Variants in EPHA10 observed in about 807,000 individuals in gnomAD.
The protein encoded by EPHA10 is EPH receptor A10, also known as ephrin type-A receptor 10.
Under a neutral mutation model 109.7 loss-of-function variants are expected in EPHA10, and 120 were observed. The observed-to-expected ratio is 1.09, with a 90% CI of 0.94 to 1.27. EPHA10 has a LOEUF of 1.27. Ranked by LOEUF, EPHA10 falls within the 50% of genes most tolerant of loss-of-function variation. EPHA10 has a pLI of 0.00. For missense variants in EPHA10, 1,396 were observed against 1,411.1 expected (o/e 0.99, Z 0.17); for synonymous variants, 640 against 618.9 (o/e 1.03, Z -0.51).
chr1:37,761,251 C>T, intron 3 of EPHA10, 154 bp downstream of exon 3: 1 of 1,504,542 alleles, frequency 6.6e-7, no homozygotes, highest in Non-Finnish European at 8.8e-7. Flanking sequence ...CTGGAAACTC[C>T]ACAAGACTTC....
intron 15 of EPHA10, 58 bp downstream of exon 15, chr1:37,719,356 A>AT: frequency 6.3e-7 from 1 of 1,577,384 alleles, no homozygotes; most frequent in East Asian, 2.3e-5. Context: ...CACTTGCAAC[A>AT]TGCAGGGAGG....
At chr1:37,723,223 G>A (rs1645830556) in intron 9 of EPHA10, 57 bp from the exon 10 acceptor site, 1 of 1,604,634 alleles carries the variant, frequency 6.2e-7, no homozygotes, top group African/African-American at 1.3e-5. Flanking sequence ...GGGCTGACAA[G>A]CGGGCTCATG....
intron 5 of EPHA10, among the ~76,000 whole-genome samples, chr1:37,738,918 G>A (rs1312527550): frequency 5.3e-5 from 8 of 152,102 alleles, no homozygotes; most frequent in South Asian, 4.1e-4. Context: ...ACCAAACACC[G>A]CATGTTCTCA....
Position 37,718,751 on chromosome 1 carries a change from C to T in EPHA10, c.2822G>A (p.Trp941Ter). ...GCGGCACAGGTCCAGGGCCTCCAGCCACGCGCCCACAGAGCCAAAGGAGGG... is the reference window on the plus strand; with the variant it reads ...GCGGCACAGGTCCAGGGCCTCCAGCTACGCGCCCACAGAGCCAAAGGAGGG... ...TFPSFGSVGA[W>*]LEALDLCRYK... is the part of the protein sequence containing the mutation. The change falls in exon 16 of 17, where the codon TGG (tryptophan) becomes TAG (stop). Residue 941 changes from tryptophan (W) to a stop codon, truncating the protein, a stop_gained. Coordinates refer to ENST00000373048, the MANE Select transcript of EPHA10 (RefSeq NM_001099439.2). LOFTEE classifies it high-confidence loss of function. 2 of 1,613,146 alleles carry T rather than the reference C, an allele frequency of 1.2e-6. No homozygotes were observed. Among genetic ancestry groups the T allele is most frequent in the Non-Finnish European group, 1.7e-6 (2 of 1,179,992 alleles).
intron 3 of EPHA10, among the ~76,000 whole-genome samples, chr1:37,758,720 C>T (rs187747640): frequency 6.6e-6 from 1 of 152,270 alleles, no homozygotes; most frequent in Non-Finnish European, 1.5e-5. Context: ...GCCCTCTTGG[C>T]TTCTTACCCC....
chr1:37,741,370 G>A (rs12130112), intron 5 of EPHA10, among the ~76,000 whole-genome samples: 27,049 of 152,134 alleles, frequency 0.18, 2,541 homozygotes, highest in South Asian at 0.23. Context: ...GGAAAGTACC[G>A]ATCAGATAGT....
chr1:37,721,757 G>A lies in EPHA10; in HGVS notation c.2049C>T (p.Ala683=). ...GGAAGCCGAGCCTCTGTGAGTCGGA[G>A]GCGCTGTCCCTCAGCATATGCACGG... The part of the protein sequence containing the change: ...LVAVHMLRDS[A]SDSQRLGFLA... The change falls in exon 11 of 17, where the codon GCC becomes GCT. Residue 683 remains alanine (A), a synonymous_variant. Transcript: ENST00000373048. The A allele has an allele frequency of 2.5e-6, 4 of 1,612,666 alleles. No homozygotes were observed. The highest frequency in any genetic ancestry group is 2.7e-5 in the African/African-American group (2 of 75,026).
At chr1:37,719,784 A>T in intron 14 of EPHA10, 125 bp downstream of exon 14, 1 of 1,530,208 alleles carries the variant, frequency 6.5e-7, no homozygotes. Context: ...GCAGAACCAG[A>T]AGCAAGCAGA....
chr1:37,759,521 T>C (rs1435807132), intron 3 of EPHA10, among the ~76,000 whole-genome samples: 1 of 152,186 alleles, frequency 6.6e-6, no homozygotes, highest in African/African-American at 2.4e-5. Flanking sequence ...TCACACCCTA[T>C]AGTAACCACT....
In EPHA10 at chr1:37,716,229, T is replaced by C; in HGVS notation, c.*2143A>G. ...TGGGACCCAACAGGATTCTGGGACC[T>C]CACTCCTCAGTGGAGGGGAGATCTA... On this transcript the variant is annotated 3_prime_UTR_variant, in exon 17 of 17. Coordinates refer to ENST00000373048, the MANE Select transcript of EPHA10 (RefSeq NM_001099439.2). The C allele has an allele frequency of 3.4e-6, 1 of 290,792 alleles. No homozygotes were observed. Among genetic ancestry groups the C allele is most frequent in the South Asian group, 5.4e-5 (1 of 18,666 alleles). The allele number at this position is 290,792 out of a possible 1,614,324, so 18.0% of individuals were successfully genotyped here. A position where few individuals can be genotyped will look rare whatever the true frequency, so the allele number is the denominator to read the frequency against.
At chr1:37,736,905 CTT>C (rs1352681572) in intron 5 of EPHA10, among the ~76,000 whole-genome samples, 1 of 151,984 alleles carries the variant, frequency 6.6e-6, no homozygotes, top group East Asian at 1.9e-4. Context: ...GGATGAAAGA[CTT>C]TTATACAGAA....
rs1349325864 is a variant in EPHA10, at chr1:37,721,791, AGCT to A, written c.2012_2014del (p.Glu671_Leu672delinsVal). Reference sequence around the variant, plus strand: ...CCTCAGCATATGCACGGCTACGAGCAGCTCCTGGCGACCGGGGAGCTGCAAGCA... The same window carrying A: ...CCTCAGCATATGCACGGCTACGAGCACCTGGCGACCGGGGAGCTGCAAGCA... On this transcript the variant is annotated inframe_deletion, in exon 11 of 17. Transcript: ENST00000373048. 1 of 1,610,650 alleles carries A rather than the reference AGCT, an allele frequency of 6.2e-7. No individual in the cohort carries two copies. Among genetic ancestry groups the A allele is most frequent in the Admixed American group, 1.7e-5 (1 of 59,836 alleles).
At chr1:37,739,645 C>T (rs1646122640) in intron 5 of EPHA10, among the ~76,000 whole-genome samples, 1 of 135,082 alleles carries the variant, frequency 7.4e-6, no homozygotes, top group Admixed American at 8.3e-5. Context: ...GCCAAGATTA[C>T]ACCAGTGCCC....
rs939719079 is a variant in EPHA10 at position 37,716,042 on chromosome 1, C to T, written c.*2330G>A. 3.6e-6 allele frequency: 2 copies of T among 556,562 alleles called. No individual in the cohort carries two copies. The highest frequency in any genetic ancestry group is 3.5e-5 in the East Asian group (1 of 28,738). The allele number at this position is 556,562 out of a possible 1,614,324, so 34.5% of individuals were successfully genotyped here. ...AATATAAAAACATCTCCAGAAGGAA[C>T]CCCCTCCGACTGGCCCCCTCCCTCC... On this transcript the variant is annotated 3_prime_UTR_variant, in exon 17 of 17. Coordinates refer to ENST00000373048, the MANE Select transcript of EPHA10 (RefSeq NM_001099439.2).
rs762908730 is a variant in EPHA10 at position 37,735,358 on chromosome 1, G to A, written c.1390C>T (p.Arg464Ter). The A allele has an allele frequency of 6.3e-7, 1 of 1,577,776 alleles. No homozygotes were observed. Among genetic ancestry groups the A allele is most frequent in the Non-Finnish European group, 8.6e-7 (1 of 1,161,790 alleles). ...PWEEDEIRRDRVEPQSVSLSW... is the reference protein window; with the variant it reads ...PWEEDEIRRD ...AGGGACACGCTCTGGGGTTCCACTC[G>A]GTCCCTGCGGATCTCATCCTCCTCC... The change falls in exon 6 of 17, where the codon CGA (arginine) becomes TGA (stop). Residue 464 changes from arginine to a stop codon, truncating the protein, a stop_gained. Transcript: ENST00000373048. LOFTEE classifies it high-confidence loss of function.
rs1012252222 is a variant in EPHA10 at position 37,764,045 on chromosome 1, G to C, written c.106+916C>G. 6.6e-6 allele frequency among the ~76,000 whole-genome samples: 1 copy of C among 152,178 alleles called. No homozygotes were observed. Among genetic ancestry groups the C allele is most frequent in the Non-Finnish European group, 1.5e-5 (1 of 68,036 alleles). On this transcript the variant is annotated intron_variant, in intron 1 of 16. Coordinates refer to ENST00000373048, the MANE Select transcript of EPHA10 (RefSeq NM_001099439.2). This position sits in a 1 kb window ranked among gnomAD's most constrained non-coding sequence, Gnocchi z 5.8. ...CCTCTCAGCATGGATCACAGAAAAT[G>C]GTTTGGACAGCAGAGTCCGCAGACC...
chr1:37,718,506 C>G lies in EPHA10; in HGVS notation c.2913-20G>C. On this transcript the variant is annotated intron_variant, in intron 16 of 16. Transcript: ENST00000373048. Reference sequence around the variant, plus strand: ...AGGTCCCTGAAACAAAGGCTGGTCACACTCGGCTGGCTTGTCCCCAACTTC... The same window carrying G: ...AGGTCCCTGAAACAAAGGCTGGTCAGACTCGGCTGGCTTGTCCCCAACTTC... The G allele has an allele frequency of 6.2e-7, 1 of 1,613,034 alleles. No individual in the cohort carries two copies. The highest frequency in any genetic ancestry group is 8.5e-7 in the Non-Finnish European group (1 of 1,179,760).
intron 7 of EPHA10, among the ~76,000 whole-genome samples, chr1:37,730,736 G>C (rs909712204): frequency 6.6e-5 from 10 of 151,954 alleles, no homozygotes; most frequent in Non-Finnish European, 1.3e-4. Flanking sequence ...CTGTGACCTA[G>C]GCTGGAACGT....
At chr1:37,718,963 T>C (rs1645739197) in intron 15 of EPHA10, 147 bp from the exon 16 acceptor site, 4 of 1,048,160 alleles carry the variant, frequency 3.8e-6, no homozygotes, top group Admixed American at 5.8e-5. Flanking sequence ...ATGAGCACTG[T>C]GCATTCGTGA....
Sources: gnomAD v4.1 joint callset for allele counts (sites outside exome capture counted in the v4.1 genomes callset) on GRCh38, gnomAD v4.1.1 for gene constraint, Gnocchi (gnomAD v3.1) non-coding constraint, MANE v1.5 for transcripts, NCBI Gene and HGNC (gene_info 2026-07-23, HGNC 2026-07-21) for gene names.